Variants in NR5A2 observed in about 807,000 individuals in gnomAD.
NR5A2 encodes nuclear receptor subfamily 5 group A member 2, also known as CYP7A promoter-binding factor.
In NR5A2, 26 loss-of-function variants were observed where a neutral mutation model predicts 62.7. That is an observed-to-expected ratio of 0.41 (90% CI 0.30 to 0.58). The LOEUF (loss-of-function observed/expected upper bound fraction) is 0.58, where lower values mean the gene tolerates loss of function less well. Ranked by LOEUF, NR5A2 falls within the 20% of genes least tolerant of loss-of-function variation. The pLI is 0.22. For synonymous variants in NR5A2, 246 were observed against 241.7 expected (o/e 1.02, Z -0.16); for missense variants, 541 against 669.1 (o/e 0.81, Z 2.11).
intron 7 of NR5A2, among the ~76,000 whole-genome samples, chr1:200,137,445 C>T (rs186899488): frequency 4.0e-5 from 6 of 151,506 alleles, no homozygotes; most frequent in African/African-American, 1.5e-4. Context: ...GGATTACAGG[C>T]GTGAGCCACC....
intron 7 of NR5A2, among the ~76,000 whole-genome samples, chr1:200,121,944 C>T (rs1666497112): frequency 6.6e-6 from 1 of 152,122 alleles, no homozygotes; most frequent in African/African-American, 2.4e-5. Context: ...TTCTTCTTGA[C>T]AGGACTGCAC....
At chr1:200,049,375 T>A (rs1662526126) in intron 5 of NR5A2, among the ~76,000 whole-genome samples, 2 of 152,194 alleles carry the variant, frequency 1.3e-5, no homozygotes, top group South Asian at 4.1e-4. Context: ...CAGATTCCAA[T>A]AGGATGTTTA....
intron 7 of NR5A2, among the ~76,000 whole-genome samples, chr1:200,139,237 A>G (rs1022787138): frequency 2.6e-5 from 4 of 152,232 alleles, no homozygotes; most frequent in African/African-American, 9.6e-5. Flanking sequence ...TTTATTTAAC[A>G]AATCTACTAA....
intron 4 of NR5A2, among the ~76,000 whole-genome samples, chr1:200,047,463 C>T (rs1473007968): frequency 6.6e-6 from 1 of 152,130 alleles, no homozygotes; most frequent in Non-Finnish European, 1.5e-5. Context: ...CTCAGTTCCA[C>T]ACCCCTGCAA....
Position 200,039,805 on chromosome 1 carries a change from C to G in NR5A2, c.202+10C>G. ...CCGGAAAACATGCAAGGTAAGGAGG[C>G]GCCGCGCGGCGCTCCGGCTCCCGCT... is the stretch of plus-strand genomic sequence containing the variant. On this transcript the variant is annotated intron_variant, in intron 2 of 7. Transcript: ENST00000367362. This position sits in a 1 kb window ranked among gnomAD's most constrained non-coding sequence, Gnocchi z 5.1. The G allele has an allele frequency of 6.3e-7, 1 of 1,588,818 alleles. No individual in the cohort carries two copies. Among genetic ancestry groups the G allele is most frequent in the Non-Finnish European group, 8.5e-7 (1 of 1,170,002 alleles).
At chr1:200,042,779 G>A (rs1662171968) in intron 2 of NR5A2, 8 of 980,184 alleles carry the variant, frequency 8.2e-6, no homozygotes, top group Non-Finnish European at 9.7e-6. Flanking sequence ...GGGAAATACC[G>A]GATCAGGCAC....
At chr1:200,125,200 G>A (rs1666650493) in intron 7 of NR5A2, among the ~76,000 whole-genome samples, 1 of 152,166 alleles carries the variant, frequency 6.6e-6, no homozygotes, top group East Asian at 1.9e-4. Context: ...AAAACCAGGT[G>A]GCAAATGCAT....
chr1:200,107,986 C>T (rs1159989573), intron 5 of NR5A2, among the ~76,000 whole-genome samples: 3 of 151,842 alleles, frequency 2.0e-5, no homozygotes, highest in African/African-American at 7.3e-5. Context: ...GTCTTGTTAC[C>T]GTAACTATTT....
chr1:200,042,805 G>C (rs1662173265), intron 2 of NR5A2: 1 of 985,394 alleles, frequency 1.0e-6, no homozygotes. Flanking sequence ...GGGGTCTCCT[G>C]GTCACTGCCC....
chr1:200,040,313 C>T (rs982815681), intron 2 of NR5A2, among the ~76,000 whole-genome samples: 3 of 152,194 alleles, frequency 2.0e-5, no homozygotes, highest in African/African-American at 7.2e-5. Context: ...ACACCCGCAG[C>T]CAGCTCGGAT....
chr1:200,115,902 G>A (rs866413012), intron 6 of NR5A2, among the ~76,000 whole-genome samples: 3 of 151,678 alleles, frequency 2.0e-5, no homozygotes, highest in Middle Eastern at 3.4e-3. Flanking sequence ...ATCCTTCTAG[G>A]TCAGAGGAAC....
chr1:200,127,676 CAAAAAAAAAAAAAAA>C (rs71132666), intron 7 of NR5A2, among the ~76,000 whole-genome samples: 30 of 25,554 alleles, frequency 1.2e-3, no homozygotes, highest in South Asian at 4.9e-3. Context: ...GACTCTGTCT[CAAAAAAAAAAAAAAA>C]AAAAAAAAAA....
chr1:200,137,920 C>A (rs1176198530), intron 7 of NR5A2, among the ~76,000 whole-genome samples: 2 of 152,130 alleles, frequency 1.3e-5, no homozygotes, highest in Non-Finnish European at 2.9e-5. Flanking sequence ...GTAACAGTAT[C>A]ATTTCTAATT....
At chr1:200,116,621 C>G (rs1342618025) in intron 6 of NR5A2, among the ~76,000 whole-genome samples, 1 of 152,160 alleles carries the variant, frequency 6.6e-6, no homozygotes, top group Non-Finnish European at 1.5e-5. Context: ...TTTCACTTAA[C>G]CCTGTAAGTT....
At chr1:200,146,796 C>T (rs1301762683) in intron 7 of NR5A2, among the ~76,000 whole-genome samples, 2 of 152,078 alleles carry the variant, frequency 1.3e-5, no homozygotes, top group Non-Finnish European at 2.9e-5. Flanking sequence ...ACACATTTGT[C>T]TGCTATAAAG....
rs558411043 is a variant in NR5A2, at chr1:200,165,049, A to G, written c.1379-8914A>G. 6.8e-5 allele frequency among the ~76,000 whole-genome samples: 10 copies of G among 147,918 alleles called. No individual in the cohort carries two copies. In the South Asian group the frequency reaches 1.9e-3, roughly 29 times the overall value. On this transcript the variant is annotated intron_variant, in intron 7 of 7. Coordinates refer to ENST00000367362, the MANE Select transcript of NR5A2 (RefSeq NM_205860.3). ...GCACCACCACACCCAGCTAATTTTT[A>G]TATTTTTAGTAGAGACAGGGTTTCA...
chr1:200,093,588 C>T (rs183186096), intron 5 of NR5A2, among the ~76,000 whole-genome samples: 8 of 152,292 alleles, frequency 5.3e-5, no homozygotes, highest in South Asian at 2.1e-4. Context: ...CCTCCAAAGC[C>T]GCCAAGACTT....
chr1:200,098,797 T>C (rs947484022), intron 5 of NR5A2, among the ~76,000 whole-genome samples: 1 of 152,208 alleles, frequency 6.6e-6, no homozygotes, highest in African/African-American at 2.4e-5. Context: ...GGGTAGACCA[T>C]TCACAGTGTC....
intron 5 of NR5A2, among the ~76,000 whole-genome samples, chr1:200,098,715 G>A (rs1986484): frequency 0.025 from 3,825 of 152,270 alleles, 65 homozygotes; most frequent in East Asian, 0.059. Context: ...TTAAGCACCT[G>A]CGGTGAGCCT....
Sources: allele counts gnomAD v4.1 joint callset (sites outside exome capture counted in the v4.1 genomes callset), GRCh38; gene constraint gnomAD v4.1.1; non-coding constraint Gnocchi (gnomAD v3.1); transcripts MANE v1.5; gene names NCBI Gene and HGNC (gene_info 2026-07-23, HGNC 2026-07-21).